The following ESRRG variants were observed in gnomAD, a reference collection of about 807,000 sequenced individuals.
ESRRG encodes estrogen related receptor gamma, also known as estrogen-related receptor gamma.
A neutral mutation model predicts 44.0 loss-of-function variants in ESRRG; 13 were observed. That is an observed-to-expected ratio of 0.30 (90% CI 0.19 to 0.47). The LOEUF (loss-of-function observed/expected upper bound fraction) is 0.47. ESRRG is among the 20% of genes least tolerant of loss of function. ESRRG has a pLI of 1.00. For synonymous variants in ESRRG, 215 were observed against 214.6 expected (o/e 1.00, Z -0.02); for missense variants, 395 against 580.6 (o/e 0.68, Z 3.29).
At chr1:217,091,448 CT>C (rs2092343748), upstream of ESRRG, among the ~76,000 whole-genome samples, 1 of 152,194 alleles carries the variant, frequency 6.6e-6, no homozygotes, top group Non-Finnish European at 1.5e-5. Flanking sequence ...CAGCAAGTAA[CT>C]TACTAGATCT....
chr1:216,696,294 C>A (rs1003936506), intron 1 of ESRRG, among the ~76,000 whole-genome samples: 1 of 152,078 alleles, frequency 6.6e-6, no homozygotes, highest in Non-Finnish European at 1.5e-5. Context: ...AATGCTGTAC[C>A]TCAAAGATTT....
At chr1:216,671,042 C>T (rs2075069383) in intron 2 of ESRRG, among the ~76,000 whole-genome samples, 2 of 152,126 alleles carry the variant, frequency 1.3e-5, no homozygotes, top group South Asian at 2.1e-4. Context: ...TATTTGGGTG[C>T]TTGCTGTACT....
At chr1:217,083,152 C>T (rs1558233963) in intron 1 of ESRRG, among the ~76,000 whole-genome samples, 1 of 152,152 alleles carries the variant, frequency 6.6e-6, no homozygotes, top group African/African-American at 2.4e-5. Flanking sequence ...CAACAAAGGG[C>T]TTGTATGGTC....
At chr1:216,566,460 T>A (rs2059698900) in intron 4 of ESRRG, among the ~76,000 whole-genome samples, 1 of 152,142 alleles carries the variant, frequency 6.6e-6, no homozygotes, top group African/African-American at 2.4e-5. Flanking sequence ...ACAAGCCACT[T>A]CCCAATTTCT....
At chr1:216,724,960 G>C (rs1423757837), upstream of ESRRG, among the ~76,000 whole-genome samples, 1 of 152,110 alleles carries the variant, frequency 6.6e-6, no homozygotes, top group Non-Finnish European at 1.5e-5. Flanking sequence ...GATAGAAATA[G>C]TATAATCTTT....
chr1:216,527,241 C>T (rs2047937328), intron 5 of ESRRG, among the ~76,000 whole-genome samples: 1 of 152,104 alleles, frequency 6.6e-6, no homozygotes, highest in South Asian at 2.1e-4. Context: ...TATCCATATC[C>T]ATCACTTTCT....
intron 2 of ESRRG, among the ~76,000 whole-genome samples, chr1:216,675,943 A>C (rs1441416999): frequency 2.0e-5 from 3 of 152,150 alleles, no homozygotes. Context: ...GAGCCCTGAC[A>C]TCAGCATGTT....
At chr1:216,552,893 C>G (rs2056731708) in intron 5 of ESRRG, among the ~76,000 whole-genome samples, 1 of 152,132 alleles carries the variant, frequency 6.6e-6, no homozygotes. Context: ...TTATAAAGCT[C>G]TCTCTTTTAG....
At chr1:216,708,126 G>A (rs978203684) in intron 1 of ESRRG, among the ~76,000 whole-genome samples, 18 of 151,898 alleles carry the variant, frequency 1.2e-4, no homozygotes, top group African/African-American at 4.1e-4. Context: ...TATATTCAAC[G>A]TGTGTTAAGA....
At chr1:217,038,084 T>C (rs1230240586) in intron 1 of ESRRG, among the ~76,000 whole-genome samples, 1 of 152,142 alleles carries the variant, frequency 6.6e-6, no homozygotes, top group Non-Finnish European at 1.5e-5. Context: ...CTTTTCCAGG[T>C]GCAAGGTACA....
intron 2 of ESRRG, among the ~76,000 whole-genome samples, chr1:216,738,482 TGG>T (rs1439265450): frequency 2.6e-5 from 4 of 152,216 alleles, no homozygotes; most frequent in Non-Finnish European, 4.4e-5. Context: ...AGATGTGAAA[TGG>T]TTAAACAAAA....
In ESRRG at chr1:216,716,957, T is replaced by G. The variant is rs560694267; in HGVS notation, c.56+6287A>C. Among the ~76,000 whole-genome samples the G allele has an allele frequency of 5.7e-4, 87 of 152,018 alleles. 2 individuals are homozygous for G. The South Asian group carries it at 7.9e-3, about 14-fold the overall frequency. On this transcript the variant is annotated intron_variant, in intron 1 of 6. Transcript: ENST00000408911. ...AGAAGGAAGCCAATTTCTTTAAAAC[T>G]GTACCTTTTCTTTCATTGTTTTGCC...
intron 2 of ESRRG, among the ~76,000 whole-genome samples, chr1:216,668,436 A>T (rs2151355246): frequency 6.6e-6 from 1 of 152,356 alleles, no homozygotes; most frequent in Non-Finnish European, 1.5e-5. Flanking sequence ...TTCAAAATAG[A>T]GTAACATAAT....
At chr1:216,600,291 C>T (rs1334869151) in intron 3 of ESRRG, among the ~76,000 whole-genome samples, 1 of 152,076 alleles carries the variant, frequency 6.6e-6, no homozygotes, top group Non-Finnish European at 1.5e-5. Flanking sequence ...TTGTCAAAAC[C>T]CACAGAATGT....
In ESRRG at chr1:217,035,214, A is replaced by G. The variant is rs894715885; in HGVS notation, c.-106+54293T>C. Among the ~76,000 whole-genome samples, 10 of 150,172 alleles carry G rather than the reference A, an allele frequency of 6.7e-5. 1 individual carries two copies. The South Asian group carries it at 2.1e-3, about 32-fold the overall frequency. On this transcript the variant is annotated intron_variant, in intron 1 of 7. Coordinates refer to the ESRRG transcript ENST00000359162. Reference sequence around the variant, plus strand: ...TAAAAAGTGCTGAGAAGCCTGGTGCAGTGGCTCACACCTGAAATCCCAGTG... The same window carrying G: ...TAAAAAGTGCTGAGAAGCCTGGTGCGGTGGCTCACACCTGAAATCCCAGTG...
chr1:216,814,407 T>A (rs2095071240), intron 2 of ESRRG, among the ~76,000 whole-genome samples: 1 of 152,182 alleles, frequency 6.6e-6, no homozygotes, highest in Non-Finnish European at 1.5e-5. Flanking sequence ...ATCACTCAAA[T>A]AACTGGTGAA....
intron 1 of ESRRG, among the ~76,000 whole-genome samples, chr1:216,957,321 A>T (rs942803563): frequency 6.6e-6 from 1 of 152,168 alleles, no homozygotes; most frequent in Non-Finnish European, 1.5e-5. Context: ...CCACATTTAT[A>T]ACCTTAGCCA....
At chr1:216,775,556 T>C (rs1181426562) in intron 2 of ESRRG, among the ~76,000 whole-genome samples, 6 of 27,352 alleles carry the variant, frequency 2.2e-4, no homozygotes, top group Admixed American at 5.0e-4. Context: ...CACATCTTTT[T>C]TTTTTTTTTT....
intron 3 of ESRRG, among the ~76,000 whole-genome samples, chr1:216,628,012 A>G (rs2063479969): frequency 6.6e-6 from 1 of 152,210 alleles, no homozygotes. Context: ...TACAATATTC[A>G]TGCGTATGAA....
Sources: allele counts gnomAD v4.1 joint callset (sites outside exome capture counted in the v4.1 genomes callset), GRCh38; gene constraint gnomAD v4.1.1; transcripts MANE v1.5; gene names NCBI Gene and HGNC (gene_info 2026-07-23, HGNC 2026-07-21).